COL22A1: variants seen among roughly 807,000 people sequenced by gnomAD.
The protein encoded by COL22A1 is collagen alpha-1(XXII) chain.
COL22A1 carries 221 observed loss-of-function variants against 248.9 expected under a neutral mutation model. The ratio of observed to expected loss-of-function variants is 0.89; its 90% CI spans 0.80 to 0.99. The LOEUF is 0.99. Ranked by LOEUF, COL22A1 falls within the 50% of genes least tolerant of loss-of-function variation. The pLI is 0.00. For missense variants in COL22A1, 2,240 were observed against 2,179.0 expected (o/e 1.03, Z -0.56); for synonymous variants, 891 against 793.4 (o/e 1.12, Z -2.07).
chr8:138,647,929 G>T (rs1333395135), intron 46 of COL22A1, among the ~76,000 whole-genome samples: 1 of 152,114 alleles, frequency 6.6e-6, no homozygotes, highest in Non-Finnish European at 1.5e-5. Context: ...GAATCTTTGA[G>T]GTTAAGACTC....
intron 61 of COL22A1, among the ~76,000 whole-genome samples, chr8:138,597,232 T>C (rs1388760718): frequency 1.3e-5 from 2 of 152,204 alleles, no homozygotes; most frequent in East Asian, 3.8e-4. Flanking sequence ...CCTTCCAGCG[T>C]ATTCACTGGA....
In COL22A1 at chr8:138,890,859, A is replaced by G. The variant is rs537817187; in HGVS notation, c.-72-7615T>C. On this transcript the variant is annotated intron_variant, in intron 1 of 64. Coordinates refer to ENST00000303045, the MANE Select transcript of COL22A1 (RefSeq NM_152888.3). Reference sequence around the variant, plus strand: ...GAAACCTCGTCTCTACAAAAATACAAAGAAAAAAAAAAAACTAGCCGGGCA... The same window carrying G: ...GAAACCTCGTCTCTACAAAAATACAGAGAAAAAAAAAAAACTAGCCGGGCA... Among the ~76,000 whole-genome samples the G allele has an allele frequency of 3.3e-5, 5 of 151,896 alleles. No individual in the cohort carries two copies. In the South Asian group the frequency reaches 1.0e-3, roughly 32 times the overall value.
intron 7 of COL22A1, among the ~76,000 whole-genome samples, chr8:138,819,986 C>G (rs532900433): frequency 3.9e-5 from 6 of 152,042 alleles, no homozygotes; most frequent in Admixed American, 3.9e-4. Context: ...TTTTCAAAGT[C>G]CAAGGCTTCC....
rs754768304 is a variant in COL22A1, at chr8:138,679,699, C to A, written c.3013-23G>T. 2.1e-5 allele frequency: 34 copies of A among 1,609,184 alleles called. No individual in the cohort carries two copies. In the Admixed American group the frequency reaches 5.7e-4, roughly 27 times the overall value. On this transcript the variant is annotated intron_variant, in intron 39 of 64. Transcript: ENST00000303045. Reference sequence around the variant, plus strand: ...AGCCTGAAAGTAGAAAATCTTCACTCATTTCTTCACCAAACAAATGTTTAC... The same window carrying A: ...AGCCTGAAAGTAGAAAATCTTCACTAATTTCTTCACCAAACAAATGTTTAC...
rs115780338 is a variant in COL22A1, at chr8:138,872,629, C to A, written c.658+5121G>T. Among the ~76,000 whole-genome samples, 1,072 of 152,322 alleles carry A rather than the reference C, an allele frequency of 7.0e-3. 11 individuals are homozygous for A. The highest frequency in any genetic ancestry group is 0.025 in the African/African-American group (1,031 of 41,572). On this transcript the variant is annotated intron_variant, in intron 3 of 64. Coordinates refer to ENST00000303045, the MANE Select transcript of COL22A1 (RefSeq NM_152888.3). The stretch of plus-strand genomic sequence containing the variant: ...ATTATAGCTGATGCTCCGGGGCTGG[C>A]CTTGTCCTCGGCCTCCGCCCCACAC...
chr8:138,872,640 G>C (rs912526522), intron 3 of COL22A1, among the ~76,000 whole-genome samples: 11 of 152,214 alleles, frequency 7.2e-5, no homozygotes, highest in Non-Finnish European at 1.6e-4. Flanking sequence ...CTTGTCCTCG[G>C]CCTCCGCCCC....
chr8:138,754,799 G>C (rs1832859574), intron 21 of COL22A1, among the ~76,000 whole-genome samples: 1 of 152,210 alleles, frequency 6.6e-6, no homozygotes. Context: ...GATTCAGTCG[G>C]CATGTAAGTG....
intron 23 of COL22A1, among the ~76,000 whole-genome samples, chr8:138,728,166 G>A (rs1277178275): frequency 6.6e-6 from 1 of 152,136 alleles, no homozygotes; most frequent in Non-Finnish European, 1.5e-5. Context: ...CTGAGTAGCT[G>A]AGACTACAGG....
At chr8:138,885,459 C>T (rs1824586179) in intron 1 of COL22A1, among the ~76,000 whole-genome samples, 1 of 152,218 alleles carries the variant, frequency 6.6e-6, no homozygotes, top group South Asian at 2.1e-4. Context: ...GTCTAGGTGT[C>T]TCTGCTGCAC....
chr8:138,709,963 G>A (rs1181409677), intron 30 of COL22A1, among the ~76,000 whole-genome samples: 1 of 152,132 alleles, frequency 6.6e-6, no homozygotes. Context: ...AGCAGGCCCT[G>A]CCCCACCCCC....
At chr8:138,651,726 C>CGGAT (rs572564977) in intron 45 of COL22A1, among the ~76,000 whole-genome samples, 329 of 152,014 alleles carry the variant, frequency 2.2e-3, no homozygotes, top group Non-Finnish European at 3.6e-3. Context: ...GATGGATGCA[C>CGGAT]GGATGGATGG....
intron 5 of COL22A1, 50 bp downstream of exon 5, chr8:138,832,989 C>T (rs1820165233): frequency 7.8e-6 from 10 of 1,281,756 alleles, no homozygotes; most frequent in Non-Finnish European, 1.1e-5. Flanking sequence ...CCTTTCTTGC[C>T]CTTTCCCATG....
In COL22A1 at chr8:138,635,459, CAAAT is replaced by C. The variant is rs577936183; in HGVS notation, c.3556-400_3556-397del. Among the ~76,000 whole-genome samples the C allele has an allele frequency of 3.1e-4, 47 of 152,124 alleles. No individual in the cohort carries two copies. In the South Asian group the frequency reaches 9.6e-3, roughly 31 times the overall value. ...TGTTTCATAATAAAAACATAAAAAA[CAAAT>C]AAATGCACAGAAACACAATGTACAC... is the stretch of plus-strand genomic sequence containing the variant. On this transcript the variant is annotated intron_variant, in intron 48 of 64. Transcript: ENST00000303045.
chr8:138,824,399 C>A (rs568469353), intron 6 of COL22A1, among the ~76,000 whole-genome samples: 1 of 152,306 alleles, frequency 6.6e-6, no homozygotes, highest in East Asian at 1.9e-4. Flanking sequence ...TAATCTATAA[C>A]CTGATTGTTT....
Position 138,709,901 on chromosome 8 carries a change from A to G in COL22A1, c.2517+5781T>C, listed in dbSNP as rs79181675. Among the ~76,000 whole-genome samples the G allele has an allele frequency of 9.6e-3, 1,462 of 152,284 alleles. 22 individuals are homozygous for G. The highest frequency in any genetic ancestry group is 0.03 in the African/African-American group (1,262 of 41,554). ...TTTGTTACAGCAAATATCCTCACAC[A>G]CATGCCCTGAGCACAATTACACATT... On this transcript the variant is annotated intron_variant, in intron 30 of 64. Coordinates refer to ENST00000303045, the MANE Select transcript of COL22A1 (RefSeq NM_152888.3).
At chr8:138,661,718 C>T (rs73445491) in intron 43 of COL22A1, among the ~76,000 whole-genome samples, 10,283 of 151,494 alleles carry the variant, frequency 0.068, 374 homozygotes, top group Non-Finnish European at 0.074. Context: ...GTGCCTGATT[C>T]GAGCAGAACT....
In COL22A1 at chr8:138,823,262, G is replaced by A. The variant is rs538694556; in HGVS notation, c.970-1851C>T. On this transcript the variant is annotated intron_variant, in intron 6 of 64. Transcript: ENST00000303045. ...ATAATATATATAAAACATTTATATAGTATTTATTATTTGCCAGGCACTGTT... is the reference window on the plus strand; with the variant it reads ...ATAATATATATAAAACATTTATATAATATTTATTATTTGCCAGGCACTGTT... Among the ~76,000 whole-genome samples, 4 of 152,196 alleles carry A rather than the reference G, an allele frequency of 2.6e-5. No individual in the cohort carries two copies. In the South Asian group the frequency reaches 8.3e-4, roughly 32 times the overall value.
chr8:138,676,480 G>A, intron 41 of COL22A1, 78 bp downstream of exon 41: 1 of 369,108 alleles, frequency 2.7e-6, no homozygotes, highest in Non-Finnish European at 4.5e-6. Context: ...AAAGAAAAGA[G>A]TGTTTCTGCA....
intron 63 of COL22A1, 44 bp from the exon 64 acceptor site, chr8:138,591,545 G>C: frequency 6.9e-7 from 1 of 1,444,888 alleles, no homozygotes; most frequent in South Asian, 1.5e-5. Flanking sequence ...GACCCCCGGG[G>C]AGGACAGAAA....
Sources: allele counts gnomAD v4.1 joint callset (sites outside exome capture counted in the v4.1 genomes callset), GRCh38; gene constraint gnomAD v4.1.1; transcripts MANE v1.5; gene names NCBI Gene and HGNC (gene_info 2026-07-23, HGNC 2026-07-21).